The following TXNRD2 variants were observed in gnomAD, a reference collection of about 807,000 sequenced individuals.
TXNRD2 encodes thioredoxin reductase 2, also known as thioredoxin reductase 2, mitochondrial.
Under a neutral mutation model 70.8 loss-of-function variants are expected in TXNRD2, and 67 were observed. The observed-to-expected ratio is 0.95, with a 90% CI of 0.78 to 1.16. TXNRD2 has a LOEUF of 1.16. TXNRD2 is among the 50% of genes most tolerant of loss of function. The pLI, the probability that TXNRD2 is intolerant of heterozygous loss-of-function variation, is 0.00. For synonymous variants in TXNRD2, 301 were observed against 295.8 expected, an observed-to-expected ratio of 1.02 and a Z score of -0.18; for missense variants, 644 against 719.9, an observed-to-expected ratio of 0.89 and a Z score of 1.21.
At chr22:19,882,355 C>A (rs1237222469) in intron 12 of TXNRD2, among the ~76,000 whole-genome samples, 2 of 152,180 alleles carry the variant, frequency 1.3e-5, no homozygotes, top group African/African-American at 4.8e-5. Flanking sequence ...CGTGCCACCA[C>A]GCCTGGCTAA....
chr22:19,888,527 G>C (rs1939126689), intron 11 of TXNRD2, among the ~76,000 whole-genome samples: 1 of 152,264 alleles, frequency 6.6e-6, no homozygotes, highest in African/African-American at 2.4e-5. Context: ...AGAAGAGCAA[G>C]GAGGCAGCGC....
At chr22:19,909,647 C>T (rs1175006061) in intron 8 of TXNRD2, among the ~76,000 whole-genome samples, 1 of 129,904 alleles carries the variant, frequency 7.7e-6, no homozygotes, top group Non-Finnish European at 1.6e-5. Context: ...CTCACATACA[C>T]ACACCATTCA....
chr22:19,878,293 G>A (rs1020710811), intron 15 of TXNRD2, 73 bp downstream of exon 15: 30 of 1,598,160 alleles, frequency 1.9e-5, no homozygotes, highest in South Asian at 8.8e-5. Context: ...GCCAGTCCTC[G>A]GGTGTTCACC....
At chr22:19,911,093 A>C (rs1006795396) in intron 8 of TXNRD2, 5 of 477,660 alleles carry the variant, frequency 1.0e-5, no homozygotes, top group Admixed American at 6.7e-5. Context: ...AGCCAAAAAA[A>C]AAACCAAAAC....
At chr22:19,922,583 CT>C (rs1940957033) in intron 2 of TXNRD2, among the ~76,000 whole-genome samples, 1 of 152,194 alleles carries the variant, frequency 6.6e-6, no homozygotes, top group South Asian at 2.1e-4. Context: ...CAAAAGTTCT[CT>C]CTCCTTCGAC....
At chr22:19,903,011 C>A in intron 8 of TXNRD2, 1 of 518,756 alleles carries the variant, frequency 1.9e-6, no homozygotes, top group South Asian at 1.4e-5. Flanking sequence ...TAAACCAGCC[C>A]AAGTTATAAA....
intron 8 of TXNRD2, among the ~76,000 whole-genome samples, chr22:19,908,205 A>C (rs35221258): frequency 0.12 from 16,784 of 141,574 alleles, 1,150 homozygotes; most frequent in Non-Finnish European, 0.15. Context: ...TGTGGGCGCC[A>C]TGGGTAGCAG....
intron 16 of TXNRD2, 90 bp downstream of exon 16, chr22:19,878,000 A>C: frequency 1.8e-6 from 2 of 1,094,480 alleles, no homozygotes; most frequent in Non-Finnish European, 2.7e-6. Context: ...ATGCCGCAAG[A>C]GTGGCAGCAG....
chr22:19,913,922 A>G (rs1157431449), intron 7 of TXNRD2, among the ~76,000 whole-genome samples: 1 of 152,252 alleles, frequency 6.6e-6, no homozygotes, highest in Non-Finnish European at 1.5e-5. Context: ...CTAACCAAGT[A>G]AAGACTTCAG....
intron 10 of TXNRD2, 108 bp downstream of exon 10, chr22:19,897,931 A>ATT: frequency 1.2e-6 from 1 of 831,734 alleles, no homozygotes; most frequent in Non-Finnish European, 1.9e-6. Flanking sequence ...ATCTCTAAAG[A>ATT]TTCAGGCATC....
At chr22:19,932,160 CAAAAA>C (rs35254160) in intron 1 of TXNRD2, among the ~76,000 whole-genome samples, 2 of 80,980 alleles carry the variant, frequency 2.5e-5, no homozygotes, top group Non-Finnish European at 2.6e-5. Flanking sequence ...GACTCCGTCT[CAAAAA>C]AAAAAAAAAA....
At chr22:19,931,886 G>T (rs1175260929) in intron 1 of TXNRD2, among the ~76,000 whole-genome samples, 1 of 152,016 alleles carries the variant, frequency 6.6e-6, no homozygotes, top group Admixed American at 6.6e-5. Context: ...ACAGGCTAGG[G>T]GCGGTAGCTC....
At position 19,911,444 on chromosome 22, in the gene TXNRD2, C is replaced by CGATCTG; in HGVS notation, c.592-3_594dup (p.Ile198_Glu199insGlnIle). The CGATCTG allele has an allele frequency of 6.2e-7, 1 of 1,613,514 alleles. No individual in the cohort carries two copies. Among genetic ancestry groups the CGATCTG allele is most frequent in the South Asian group, 1.1e-5 (1 of 91,068 alleles). On this transcript the variant is annotated inframe_insertion, in exon 8 of 18. Transcript: ENST00000400521. ...GTGATTCCATATTCCAAGGCACCTT[C>CGATCTG]GATCTGTCAAGACAGAAATGACCCC... is the stretch of plus-strand genomic sequence containing the variant.
intron 11 of TXNRD2, 99 bp from the exon 12 acceptor site, chr22:19,883,560 G>C (rs994414054): frequency 6.5e-7 from 1 of 1,548,998 alleles, no homozygotes; most frequent in Non-Finnish European, 8.8e-7. Flanking sequence ...CTTAGAGACC[G>C]GGTGCAGTGG....
intron 11 of TXNRD2, among the ~76,000 whole-genome samples, chr22:19,884,737 G>C (rs533097569): frequency 6.6e-6 from 1 of 152,306 alleles, no homozygotes; most frequent in South Asian, 2.1e-4. Context: ...TCAAGTCCTG[G>C]GATCTGGCCC....
chr22:19,927,665 A>G (rs967237456), intron 2 of TXNRD2, among the ~76,000 whole-genome samples: 3 of 151,244 alleles, frequency 2.0e-5, no homozygotes, highest in African/African-American at 7.3e-5. Context: ...AAAAAAAAAA[A>G]AAAAAAGAAA....
chr22:19,909,829 CCACA>C (rs1399318226), intron 8 of TXNRD2, among the ~76,000 whole-genome samples: 2 of 118,324 alleles, frequency 1.7e-5, no homozygotes, highest in Non-Finnish European at 3.4e-5. Context: ...ACACCACACA[CCACA>C]CACACCCACA....
In TXNRD2 at chr22:19,898,090, C is replaced by G; in HGVS notation, c.723G>C (p.Gly241=). 1.3e-6 allele frequency: 2 copies of G among 1,567,602 alleles called. No homozygotes were observed. The highest frequency in any genetic ancestry group is 1.7e-6 in the Non-Finnish European group (2 of 1,156,618). ...LECAGFLTGI[G]LDTTIMMRSI... is the part of the protein sequence containing the mutation. The stretch of plus-strand genomic sequence containing the variant: ...TGCGCATCATGATGGTGGTGTCCAG[C>G]CCAATCCCGGTGAGGAAGCCAGCAC... Residue 241 remains glycine, a synonymous_variant, in exon 10 of 18, where the codon GGG becomes GGC. Coordinates refer to ENST00000400521, the MANE Select transcript of TXNRD2 (RefSeq NM_006440.5).
chr22:19,893,644 G>A (rs945488375), intron 11 of TXNRD2, among the ~76,000 whole-genome samples: 3 of 151,304 alleles, frequency 2.0e-5, no homozygotes, highest in East Asian at 2.0e-4. Flanking sequence ...ACACCTGCTC[G>A]GCCACTGCCC....
Sources: allele counts gnomAD v4.1 joint callset (sites outside exome capture counted in the v4.1 genomes callset), GRCh38; gene constraint gnomAD v4.1.1; transcripts MANE v1.5; gene names NCBI Gene and HGNC (gene_info 2026-07-23, HGNC 2026-07-21).